The following ZMIZ2 variants were observed in gnomAD, a reference collection of about 807,000 sequenced individuals.
ZMIZ2 encodes the protein zinc finger MIZ domain-containing protein 2.
A neutral mutation model predicts 93.9 loss-of-function variants in ZMIZ2; 26 were observed. The ratio of observed to expected loss-of-function variants is 0.28; its 90% CI spans 0.20 to 0.38. The LOEUF is 0.38. Ranked by LOEUF, ZMIZ2 falls within the 10% of genes least tolerant of loss-of-function variation. ZMIZ2 has a pLI of 1.00. For missense variants in ZMIZ2, 1,023 were observed against 1,235.0 expected (o/e 0.83, Z 2.57); for synonymous variants, 485 against 516.4 (o/e 0.94, Z 0.82).
chr7:44,752,127 G>T (rs1790207532), intron 1 of ZMIZ2, among the ~76,000 whole-genome samples: 1 of 151,512 alleles, frequency 6.6e-6, no homozygotes, highest in African/African-American at 2.4e-5. Context: ...ACAGCCTGTT[G>T]CCTTCTATTT....
chr7:44,753,196 G>T, intron 1 of ZMIZ2, among the ~76,000 whole-genome samples: 1 of 140,230 alleles, frequency 7.1e-6, no homozygotes, highest in African/African-American at 2.7e-5. Context: ...TTTCTAATTG[G>T]AGTTTTTAAT....
chr7:44,765,576 C>A lies in ZMIZ2; in HGVS notation c.2239C>A (p.Gln747Lys), dbSNP rs1173995038. ...CCCTGCCCCCAGCGACTACCCTGGC[C>A]AGGGTAAGTACAGCAGGCTAGCCTT... The part of the protein sequence containing the change: ...SVPAPSDYPG[Q>K]GSSFLGPGTF... Residue 747 changes from glutamine (Q) to lysine (K), a missense_variant, in exon 16 of 19, where the codon CAG becomes AAG. By Grantham distance (53) the Gln-to-Lys change is moderately conservative. Coordinates refer to ENST00000309315, the MANE Select transcript of ZMIZ2 (RefSeq NM_031449.4). This position sits in a 1 kb window ranked among gnomAD's most constrained non-coding sequence, Gnocchi z 4.1. 11 of 1,513,998 alleles carry A rather than the reference C, an allele frequency of 7.3e-6. No homozygotes were observed. Among genetic ancestry groups the A allele is most frequent in the Non-Finnish European group, 9.7e-6 (11 of 1,128,802 alleles). 93.8% of individuals were successfully genotyped at this position (1,513,998 alleles called of 1,614,324 possible).
At chr7:44,755,461 C>A (rs755803564) in intron 1 of ZMIZ2, among the ~76,000 whole-genome samples, 3 of 152,144 alleles carry the variant, frequency 2.0e-5, no homozygotes, top group Non-Finnish European at 2.9e-5. Flanking sequence ...TTCTGAGGTG[C>A]CCTGGCCTGG....
In ZMIZ2 at chr7:44,766,093, C is replaced by G; in HGVS notation, c.2243-71C>G. 6.6e-7 allele frequency: 1 copy of G among 1,509,224 alleles called. No individual in the cohort carries two copies. The highest frequency in any genetic ancestry group is 8.8e-7 in the Non-Finnish European group (1 of 1,134,686). The allele number at this position is 1,509,224 out of a possible 1,614,324, so 93.5% of individuals were successfully genotyped here. On this transcript the variant is annotated intron_variant, in intron 16 of 18. Coordinates refer to ENST00000309315, the MANE Select transcript of ZMIZ2 (RefSeq NM_031449.4). The surrounding 1 kb of genome is among the most constrained non-coding windows in gnomAD (Gnocchi z 4.4). The stretch of plus-strand genomic sequence containing the variant: ...AAGTCCCACCCATGCCACAGCCAGC[C>G]TCCCTCCTGGCTCCTCTGCCAGCGG...
chr7:44,756,550 A>C lies in ZMIZ2; in HGVS notation c.165+11A>C. ...GCGACACAGAGCCAGGTAAGCACCC[A>C]CTGGTGCCCCACCCCCGAGCAGACA... On this transcript the variant is annotated intron_variant, in intron 3 of 18. Coordinates refer to ENST00000309315, the MANE Select transcript of ZMIZ2 (RefSeq NM_031449.4). 6.2e-7 allele frequency: 1 copy of C among 1,613,680 alleles called. No individual in the cohort carries two copies. Among genetic ancestry groups the C allele is most frequent in the Non-Finnish European group, 8.5e-7 (1 of 1,179,796 alleles).
At chr7:44,756,635 C>CTG in intron 3 of ZMIZ2, 96 bp downstream of exon 3, 1 of 1,362,884 alleles carries the variant, frequency 7.3e-7, no homozygotes, top group Non-Finnish European at 1.0e-6. Context: ...GACGAAGAGG[C>CTG]TGAGAGGTGA....
chr7:44,761,279 C>A lies in ZMIZ2; in HGVS notation c.1241-170C>A. The A allele has an allele frequency of 3.4e-6, 2 of 590,950 alleles. No individual in the cohort carries two copies. The highest frequency in any genetic ancestry group is 4.3e-6 in the Non-Finnish European group (2 of 469,806). The allele number at this position is 590,950 out of a possible 1,614,324, so 36.6% of individuals were successfully genotyped here. On this transcript the variant is annotated intron_variant, in intron 9 of 18. Coordinates refer to ENST00000309315, the MANE Select transcript of ZMIZ2 (RefSeq NM_031449.4). This position sits in a 1 kb window ranked among gnomAD's most constrained non-coding sequence, Gnocchi z 5.8. The stretch of plus-strand genomic sequence containing the variant: ...GCCTCAGGAGAGATGCTGCCCATGG[C>A]CCCAGCCCCAGGGCACCACTCAGGC...
Position 44,748,898 on chromosome 7 carries a change from C to A in ZMIZ2, c.-156C>A, listed in dbSNP as rs1228181404. The A allele has an allele frequency of 6.8e-6, 1 of 147,384 alleles. No individual in the cohort carries two copies. The highest frequency in any genetic ancestry group is 2.5e-5 in the African/African-American group (1 of 40,788). The allele number at this position is 147,384 out of a possible 1,614,324, so 9.1% of individuals were successfully genotyped here. ...GCGATGGCGCGGGTGGCGGCGGCCC[C>A]GGGGCGGCGGGCGGCGCGGAGGGCG... On this transcript the variant is annotated 5_prime_UTR_variant, in exon 1 of 19. Transcript: ENST00000309315.
At chr7:44,759,819 T>G (rs1790984896) in intron 7 of ZMIZ2, 2 of 447,500 alleles carry the variant, frequency 4.5e-6, no homozygotes, top group Non-Finnish European at 4.0e-6. Flanking sequence ...GAGAAATCCA[T>G]TGAGAGGACA....
chr7:44,752,218 C>T (rs946517998), intron 1 of ZMIZ2, among the ~76,000 whole-genome samples: 5 of 151,840 alleles, frequency 3.3e-5, no homozygotes, highest in African/African-American at 4.8e-5. Flanking sequence ...ACCTCCACCT[C>T]CTGGGTTCAA....
In ZMIZ2 at chr7:44,766,281, T is replaced by C. The variant is rs1791699094; in HGVS notation, c.2360T>C (p.Ile787Thr). ...GPPPISYQSD[I>T]PSSLLTSEKS... ...CCCCCCATCTCCTACCAGTCTGACA[T>C]TCCCAGCAGCCTCCTGACTTCAGAG... Residue 787 changes from isoleucine to threonine, a missense_variant, in exon 17 of 19, where the codon ATT becomes ACT. Coordinates refer to ENST00000309315, the MANE Select transcript of ZMIZ2 (RefSeq NM_031449.4). This position sits in a 1 kb window ranked among gnomAD's most constrained non-coding sequence, Gnocchi z 4.4. The C allele has an allele frequency of 7.2e-7, 1 of 1,388,772 alleles. No homozygotes were observed. Among genetic ancestry groups the C allele is most frequent in the South Asian group, 1.2e-5 (1 of 86,022 alleles). The allele number at this position is 1,388,772 out of a possible 1,614,324, so 86.0% of individuals were successfully genotyped here.
intron 1 of ZMIZ2, among the ~76,000 whole-genome samples, chr7:44,753,126 T>G (rs958350752): frequency 4.6e-5 from 7 of 152,248 alleles, no homozygotes; most frequent in Non-Finnish European, 8.8e-5. Context: ...TCTTTTCTTA[T>G]GCTTATTTGC....
In ZMIZ2 at chr7:44,764,968, G is replaced by T. The variant is rs762548518; in HGVS notation, c.1956G>T (p.Glu652Asp). The T allele has an allele frequency of 1.9e-6, 3 of 1,614,242 alleles. No individual in the cohort carries two copies. The highest frequency in any genetic ancestry group is 2.5e-6 in the Non-Finnish European group (3 of 1,180,030). ...CNKTALLEGLEVDQYMLGILI... is the reference protein window; with the variant it reads ...CNKTALLEGLDVDQYMLGILI... ...AGACAGCTTTGCTGGAGGGCCTGGA[G>T]GTGGACCAGTACATGCTGGGCATCC... The change falls in exon 15 of 19, where the codon GAG (glutamate) becomes GAT (aspartate). Residue 652 changes from glutamate to aspartate, a missense_variant. Around this residue, in one of 3 missense-constraint regions of ZMIZ2, gnomAD observed 319 missense variants for 358.8 expected, o/e 0.89. Transcript: ENST00000309315.
Position 44,767,708 on chromosome 7 carries a change from C to G in ZMIZ2, c.*85C>G. On this transcript the variant is annotated 3_prime_UTR_variant, in exon 19 of 19. Coordinates refer to ENST00000309315, the MANE Select transcript of ZMIZ2 (RefSeq NM_031449.4). The stretch of plus-strand genomic sequence containing the variant: ...CTTCATGCCCAGCCCCATGGGACAC[C>G]CGGTGGTCTTTCCCAAACCTCCCCC... The G allele has an allele frequency of 7.9e-7, 1 of 1,270,150 alleles. No homozygotes were observed. Among genetic ancestry groups the G allele is most frequent in the Non-Finnish European group, 1.1e-6 (1 of 882,324 alleles). 78.7% of individuals were successfully genotyped at this position (1,270,150 alleles called of 1,614,324 possible).
intron 6 of ZMIZ2, among the ~76,000 whole-genome samples, chr7:44,758,676 G>A (rs1394315857): frequency 1.3e-5 from 2 of 151,796 alleles, no homozygotes; most frequent in African/African-American, 4.8e-5. Context: ...ACTTTGGGAG[G>A]CCAAGGCGGG....
Position 44,760,176 on chromosome 7 carries a change from G to C in ZMIZ2, c.1019G>C (p.Gly340Ala), listed in dbSNP as rs752877118. ...YKPTEQFNGQ[G>A]ASFNGGSVSY... ...CCCACAGAGCAGTTCAACGGGCAGGGCGCCAGCTTCAACGGGGGCAGCGTC... is the reference window on the plus strand; with the variant it reads ...CCCACAGAGCAGTTCAACGGGCAGGCCGCCAGCTTCAACGGGGGCAGCGTC... Residue 340 changes from glycine to alanine, a missense_variant, in exon 8 of 19, where the codon GGC becomes GCC. Gly to Ala is a moderately conservative substitution (Grantham distance 60, BLOSUM62 0). Coordinates refer to ENST00000309315, the MANE Select transcript of ZMIZ2 (RefSeq NM_031449.4). 2.5e-6 allele frequency: 4 copies of C among 1,613,868 alleles called. No homozygotes were observed. In the South Asian group the frequency reaches 3.3e-5, roughly 13 times the overall value.
chr7:44,757,644 G>C, intron 5 of ZMIZ2, 83 bp downstream of exon 5: 1 of 1,491,302 alleles, frequency 6.7e-7, no homozygotes. Flanking sequence ...GTGGGCTCCA[G>C]GGACAAGCAT....
intron 6 of ZMIZ2, among the ~76,000 whole-genome samples, 197 bp from the exon 7 acceptor site, chr7:44,759,084 T>TAAAA (rs71563954): frequency 2.6e-4 from 25 of 97,484 alleles, no homozygotes; most frequent in East Asian, 6.3e-4. Context: ...TGTCTCAAAT[T>TAAAA]AAAAAAAAAA....
chr7:44,750,480 G>C (rs937279804), intron 1 of ZMIZ2, among the ~76,000 whole-genome samples: 36 of 152,150 alleles, frequency 2.4e-4, no homozygotes, highest in Admixed American at 2.4e-3. Context: ...ATTGTCACCT[G>C]GGTTGGATCC....
Sources: allele counts gnomAD v4.1 joint callset (sites outside exome capture counted in the v4.1 genomes callset), GRCh38; gene constraint gnomAD v4.1.1; regional missense constraint gnomAD v4.1.1; non-coding constraint Gnocchi (gnomAD v3.1); transcripts MANE v1.5; gene names NCBI Gene and HGNC (gene_info 2026-07-23, HGNC 2026-07-21).